The following COL23A1 variants were observed in gnomAD, a reference collection of about 807,000 sequenced individuals.
The protein encoded by COL23A1 is collagen alpha-1(XXIII) chain.
A neutral mutation model predicts 99.3 loss-of-function variants in COL23A1; 97 were observed. The observed-to-expected ratio is 0.98, with a 90% CI of 0.83 to 1.16. The LOEUF (loss-of-function observed/expected upper bound fraction) is 1.16, where lower values mean the gene tolerates loss of function less well. COL23A1 is among the 50% of genes most tolerant of loss of function. COL23A1 has a pLI of 0.00. For missense variants in COL23A1, 762 were observed against 757.4 expected, an observed-to-expected ratio of 1.01 and a Z score of -0.07; for synonymous variants, 320 against 308.2, an observed-to-expected ratio of 1.04 and a Z score of -0.40.
At chr5:178,578,058 C>T (rs1470685098) in intron 1 of COL23A1, among the ~76,000 whole-genome samples, 3 of 151,454 alleles carry the variant, frequency 2.0e-5, no homozygotes, top group Admixed American at 6.6e-5. Context: ...TGCACACACC[C>T]ACATGCACAC....
chr5:178,261,237 AC>A (rs2127552136), intron 11 of COL23A1, among the ~76,000 whole-genome samples: 1 of 152,108 alleles, frequency 6.6e-6, no homozygotes, highest in South Asian at 2.1e-4. Flanking sequence ...ACATGGTGAA[AC>A]CCCATTTCTC....
chr5:178,264,341 A>G (rs1765797654), intron 8 of COL23A1, among the ~76,000 whole-genome samples: 4 of 151,932 alleles, frequency 2.6e-5, no homozygotes, highest in Admixed American at 1.3e-4. Flanking sequence ...TAAAAGTAAA[A>G]AAAAAAAAAA....
chr5:178,569,981 A>G (rs1289642398), intron 1 of COL23A1, among the ~76,000 whole-genome samples: 1 of 152,206 alleles, frequency 6.6e-6, no homozygotes, highest in Non-Finnish European at 1.5e-5. Flanking sequence ...ATAGGAAGAT[A>G]GCCCATCATA....
intron 2 of COL23A1, among the ~76,000 whole-genome samples, chr5:178,402,826 G>A (rs973234827): frequency 2.6e-5 from 4 of 152,032 alleles, no homozygotes; most frequent in African/African-American, 2.4e-5. Context: ...CTCCAAATAT[G>A]TACATCTGTT....
intron 13 of COL23A1, 62 bp from the exon 14 acceptor site, chr5:178,256,990 G>T: frequency 1.3e-6 from 2 of 1,520,090 alleles, no homozygotes; most frequent in African/African-American, 1.4e-5. Context: ...GTGCCTTGGA[G>T]GGGGGCGTGC....
chr5:178,335,994 G>A (rs954233897), intron 2 of COL23A1, among the ~76,000 whole-genome samples: 2 of 152,178 alleles, frequency 1.3e-5, no homozygotes, highest in South Asian at 2.1e-4. Flanking sequence ...TCTGAGGTTC[G>A]TTTTGCCTTA....
At chr5:178,338,813 AG>A (rs1760498077) in intron 2 of COL23A1, among the ~76,000 whole-genome samples, 1 of 152,220 alleles carries the variant, frequency 6.6e-6, no homozygotes, top group South Asian at 2.1e-4. Context: ...TGCCCACACA[AG>A]GGGGATCCTC....
At chr5:178,292,568 G>A (rs1018004183) in intron 3 of COL23A1, among the ~76,000 whole-genome samples, 5 of 152,194 alleles carry the variant, frequency 3.3e-5, no homozygotes, top group African/African-American at 4.8e-5. Context: ...GAGAGGGTGA[G>A]ACCTGGCTCA....
intron 2 of COL23A1, among the ~76,000 whole-genome samples, chr5:178,545,590 C>T (rs577314138): frequency 6.6e-5 from 10 of 152,256 alleles, no homozygotes; most frequent in African/African-American, 2.2e-4. Flanking sequence ...AAAGGAACCT[C>T]GAGTTCAAGG....
At chr5:178,238,817 C>CA in intron 28 of COL23A1, 117 bp from the exon 29 acceptor site, 1 of 1,385,062 alleles carries the variant, frequency 7.2e-7, no homozygotes, top group Non-Finnish European at 1.0e-6. Context: ...TCCCTCCCCC[C>CA]ACTCCCTCTC....
chr5:178,480,999 T>G (rs577589171), intron 2 of COL23A1, among the ~76,000 whole-genome samples: 1 of 151,574 alleles, frequency 6.6e-6, no homozygotes, highest in South Asian at 2.1e-4. Flanking sequence ...TACAAAAAAA[T>G]TAGCTGGGCA....
chr5:178,497,122 G>C (rs1758238094), intron 2 of COL23A1, among the ~76,000 whole-genome samples: 1 of 152,168 alleles, frequency 6.6e-6, no homozygotes, highest in African/African-American at 2.4e-5. Context: ...AACACTCTTT[G>C]AGTCAGTACT....
intron 2 of COL23A1, among the ~76,000 whole-genome samples, chr5:178,343,601 A>G (rs1760790184): frequency 1.3e-5 from 2 of 151,990 alleles, no homozygotes; most frequent in Admixed American, 6.5e-5. Context: ...GGGTCCGTGC[A>G]TGGGAGTTCA....
intron 2 of COL23A1, among the ~76,000 whole-genome samples, chr5:178,477,613 C>G (rs1228468277): frequency 6.6e-6 from 1 of 152,166 alleles, no homozygotes; most frequent in Non-Finnish European, 1.5e-5. Context: ...GTTGCCTAAT[C>G]AGGAAGCAAA....
rs917134802 is a variant in COL23A1, at chr5:178,521,706, C to T, written c.361+38976G>A. Among the ~76,000 whole-genome samples the T allele has an allele frequency of 1.1e-4, 17 of 152,262 alleles. No individual in the cohort carries two copies. In the East Asian group the frequency reaches 2.5e-3, roughly 22 times the overall value. On this transcript the variant is annotated intron_variant, in intron 2 of 28. Coordinates refer to ENST00000390654, the MANE Select transcript of COL23A1 (RefSeq NM_173465.4). ...AATGAAGCACTGATGGATGCTACAA[C>T]ATGGATGAACCCTGAAGTCCTTATG...
intron 1 of COL23A1, among the ~76,000 whole-genome samples, chr5:178,585,672 A>G (rs972743485): frequency 5.8e-4 from 88 of 150,612 alleles, no homozygotes; most frequent in Admixed American, 8.6e-4. Flanking sequence ...AACACTCCAC[A>G]GCCCTGGATG....
intron 15 of COL23A1, among the ~76,000 whole-genome samples, chr5:178,256,088 C>A (rs539594427): frequency 1.3e-5 from 2 of 152,226 alleles, no homozygotes; most frequent in Non-Finnish European, 2.9e-5. Flanking sequence ...GGTGGACATG[C>A]GCTTGAGGGG....
At position 178,270,326 on chromosome 5, in the gene COL23A1, TCATCACTTACGGGCTTGC is replaced by T; in HGVS notation, c.461_468+10del. On this transcript the variant is annotated splice_donor_variant and splice_donor_5th_base_variant and coding_sequence_variant and intron_variant, in exon 6 of 29. Transcript: ENST00000390654. LOFTEE classifies it high-confidence loss of function. ...CCCAGGACCCCCTGGAATTGCCCTG[TCATCACTTACGGGCTTGC>T]CATCCAAACCCAGGGGTCCCTGGAA... 6.2e-7 allele frequency: 1 copy of T among 1,613,854 alleles called. No individual in the cohort carries two copies.
At chr5:178,527,459 C>T (rs1760373155) in intron 2 of COL23A1, among the ~76,000 whole-genome samples, 1 of 152,212 alleles carries the variant, frequency 6.6e-6, no homozygotes, top group African/African-American at 2.4e-5. Context: ...AAGGGGCCTC[C>T]AGGCACCCCG....
Sources: allele counts gnomAD v4.1 joint callset (sites outside exome capture counted in the v4.1 genomes callset), GRCh38; gene constraint gnomAD v4.1.1; transcripts MANE v1.5; gene names NCBI Gene and HGNC (gene_info 2026-07-23, HGNC 2026-07-21).